Variants in DCN observed in about 807,000 individuals in gnomAD.
DCN encodes decorin, also known as bone proteoglycan II.
A neutral mutation model predicts 36.5 loss-of-function variants in DCN; 17 were observed. The observed-to-expected ratio is 0.47, with a 90% CI of 0.32 to 0.70. DCN has a LOEUF of 0.70. Ranked by LOEUF, DCN falls within the 30% of genes least tolerant of loss-of-function variation. The pLI, the probability that DCN is intolerant of heterozygous loss-of-function variation, is 0.04. For missense variants in DCN, 389 were observed against 430.1 expected, an observed-to-expected ratio of 0.90 and a Z score of 0.84; for synonymous variants, 163 against 161.4, an observed-to-expected ratio of 1.01 and a Z score of -0.07.
At position 91,144,180 on chromosome 12, in the gene DCN, G is replaced by C. The variant is rs1014564994; in HGVS notation, c.*1878C>G. The C allele has an allele frequency of 6.6e-6, 1 of 152,092 alleles. No individual in the cohort carries two copies. The highest frequency in any genetic ancestry group is 1.5e-5 in the Non-Finnish European group (1 of 68,028). 9.4% of individuals were successfully genotyped at this position (152,092 alleles called of 1,614,324 possible). A position where few individuals can be genotyped will look rare whatever the true frequency, so the allele number is the denominator to read the frequency against. ...TAACATGGAGTGTGCATCATTGAAGGCTACAACATGAAGGGTGCGTCACTC... is the reference window on the plus strand; with the variant it reads ...TAACATGGAGTGTGCATCATTGAAGCCTACAACATGAAGGGTGCGTCACTC... On this transcript the variant is annotated 3_prime_UTR_variant, in exon 8 of 8. Coordinates refer to ENST00000052754, the MANE Select transcript of DCN (RefSeq NM_001920.5).
At chr12:91,151,843 T>C (rs1881451501) in intron 6 of DCN, 51 bp from the exon 7 acceptor site, 1 of 1,607,716 alleles carries the variant, frequency 6.2e-7, no homozygotes, top group Middle Eastern at 1.7e-4. Context: ...GATGCCTTTC[T>C]TACAAGCATT....
At chr12:91,151,371 A>G in intron 7 of DCN, 1 of 391,130 alleles carries the variant, frequency 2.6e-6, no homozygotes, top group Non-Finnish European at 4.8e-6. Context: ...CCTACTCACT[A>G]TGGCACCAAC....
intron 2 of DCN, among the ~76,000 whole-genome samples, chr12:91,168,492 T>A (rs1475067905): frequency 2.0e-5 from 3 of 152,224 alleles, no homozygotes; most frequent in African/African-American, 7.2e-5. Flanking sequence ...GAGGACTAAT[T>A]ACTGTTTCTC....
chr12:91,169,221 ACCC>A (rs757857204), intron 2 of DCN, among the ~76,000 whole-genome samples: 3 of 151,496 alleles, frequency 2.0e-5, no homozygotes, highest in Non-Finnish European at 2.9e-5. Context: ...ACATAGCAAG[ACCC>A]CATCTTTACA....
At position 91,141,385 on chromosome 12, in the gene DCN, C is replaced by T. The variant is rs1281765126; in HGVS notation, c.*4673G>A. ...TTGCTCCCTTCAGTTCTTCATCTCC[C>T]TGCTCAAATGTCACTCCTGATAAGT... On this transcript the variant is annotated 3_prime_UTR_variant, in exon 8 of 8. Transcript: ENST00000052754. 6.6e-6 allele frequency: 1 copy of T among 152,198 alleles called. No homozygotes were observed. Among genetic ancestry groups the T allele is most frequent in the East Asian group, 1.9e-4 (1 of 5,176 alleles). 9.4% of individuals were successfully genotyped at this position (152,198 alleles called of 1,614,324 possible). A position where few individuals can be genotyped will look rare whatever the true frequency, so the allele number is the denominator to read the frequency against.
At chr12:91,156,633 T>A (rs532564542) in intron 5 of DCN, among the ~76,000 whole-genome samples, 10 of 151,614 alleles carry the variant, frequency 6.6e-5, no homozygotes, top group African/African-American at 2.2e-4. Context: ...AAAAAAAAAT[T>A]CCCTAAGCTA....
chr12:91,145,719 C>A lies in DCN; in HGVS notation c.*339G>T. 4.9e-6 allele frequency: 2 copies of A among 407,288 alleles called. No individual in the cohort carries two copies. The highest frequency in any genetic ancestry group is 4.7e-6 in the Non-Finnish European group (1 of 213,118). 25.2% of individuals were successfully genotyped at this position (407,288 alleles called of 1,614,324 possible). A position where few individuals can be genotyped will look rare whatever the true frequency, so the allele number is the denominator to read the frequency against. On this transcript the variant is annotated 3_prime_UTR_variant, in exon 8 of 8. Coordinates refer to ENST00000052754, the MANE Select transcript of DCN (RefSeq NM_001920.5). The stretch of plus-strand genomic sequence containing the variant: ...CTCAATGAATTACAGAAGACTCATA[C>A]TCTTTTTATTTTTTCCTGGAAATTA...
intron 5 of DCN, among the ~76,000 whole-genome samples, chr12:91,154,301 C>T (rs899676094): frequency 1.3e-5 from 2 of 152,130 alleles, no homozygotes; most frequent in African/African-American, 4.8e-5. Context: ...GTCTGTTACG[C>T]ACCGAACATT....
At chr12:91,171,840 A>T (rs1882979592) in intron 2 of DCN, among the ~76,000 whole-genome samples, 1 of 152,206 alleles carries the variant, frequency 6.6e-6, no homozygotes, top group African/African-American at 2.4e-5. Flanking sequence ...CCATACCTCA[A>T]GTTGTGAGCA....
intron 5 of DCN, 106 bp from the exon 6 acceptor site, chr12:91,153,295 C>G: frequency 1.3e-6 from 1 of 748,322 alleles, no homozygotes; most frequent in South Asian, 1.4e-5. Flanking sequence ...AAAAGACACA[C>G]AGTTTCAAAG....
chr12:91,153,274 A>T (rs1382386951), intron 5 of DCN, 85 bp from the exon 6 acceptor site: 3 of 805,716 alleles, frequency 3.7e-6, no homozygotes, highest in East Asian at 4.9e-5. Flanking sequence ...GACATATGCC[A>T]TCAATTTTCT....
intron 3 of DCN, 143 bp downstream of exon 3, chr12:91,164,462 T>TAAA (rs36087078): frequency 5.2e-4 from 166 of 317,476 alleles, no homozygotes; most frequent in East Asian, 2.1e-3. Context: ...AAAAAAAAAG[T>TAAA]AAAAAAAAAA....
At chr12:91,156,692 T>C (rs1881797609) in intron 5 of DCN, among the ~76,000 whole-genome samples, 1 of 141,068 alleles carries the variant, frequency 7.1e-6, no homozygotes, top group African/African-American at 2.7e-5. Flanking sequence ...TACTCCCATA[T>C]ATCTTTTTTT....
chr12:91,172,344 T>A (rs1883019717), intron 2 of DCN: 1 of 153,986 alleles, frequency 6.5e-6, no homozygotes, highest in Non-Finnish European at 1.4e-5. Flanking sequence ...AATTTTTTTT[T>A]ATAATTCTGT....
intron 7 of DCN, 53 bp from the exon 8 acceptor site, chr12:91,146,305 C>T: frequency 1.0e-6 from 1 of 1,004,770 alleles, no homozygotes; most frequent in Non-Finnish European, 1.5e-6. Flanking sequence ...ATGTTGAGGC[C>T]CTTCAGGTAA....
chr12:91,144,464 A>G lies in DCN; in HGVS notation c.*1594T>C, dbSNP rs1880898452. On this transcript the variant is annotated 3_prime_UTR_variant, in exon 8 of 8. Transcript: ENST00000052754. Reference sequence around the variant, plus strand: ...TCTTGGGAGATGAAAAAGAGAAGAAAAAGAGAGGTTTCTTCCCTCTTATTA... The same window carrying G: ...TCTTGGGAGATGAAAAAGAGAAGAAGAAGAGAGGTTTCTTCCCTCTTATTA... 1.3e-5 allele frequency: 2 copies of G among 152,194 alleles called. No individual in the cohort carries two copies. The highest frequency in any genetic ancestry group is 2.4e-5 in the African/African-American group (1 of 41,440). 9.4% of individuals were successfully genotyped at this position (152,194 alleles called of 1,614,324 possible).
At chr12:91,154,023 G>C (rs962747158) in intron 5 of DCN, among the ~76,000 whole-genome samples, 1 of 151,960 alleles carries the variant, frequency 6.6e-6, no homozygotes, top group Non-Finnish European at 1.5e-5. Context: ...AATAGCAATA[G>C]ATACAGAGAA....
chr12:91,172,478 T>C (rs1463303887), intron 2 of DCN: 1 of 216,024 alleles, frequency 4.6e-6, no homozygotes, highest in Non-Finnish European at 9.3e-6. Context: ...GTTCCCCTTT[T>C]TCCATCTTAA....
Position 91,145,977 on chromosome 12 carries a change from A to C in DCN, c.*81T>G. ...ACATCCACATTGCAGTTAGGTTTCC[A>C]GTATCTAGCTTTTATTTATTTTTTA... On this transcript the variant is annotated 3_prime_UTR_variant, in exon 8 of 8. Coordinates refer to ENST00000052754, the MANE Select transcript of DCN (RefSeq NM_001920.5). 8.3e-7 allele frequency: 1 copy of C among 1,212,060 alleles called. No individual in the cohort carries two copies. Among genetic ancestry groups the C allele is most frequent in the Non-Finnish European group, 1.2e-6 (1 of 816,658 alleles). 75.1% of individuals were successfully genotyped at this position (1,212,060 alleles called of 1,614,324 possible).
Sources: gnomAD v4.1 joint callset for allele counts (sites outside exome capture counted in the v4.1 genomes callset) on GRCh38, gnomAD v4.1.1 for gene constraint, MANE v1.5 for transcripts, NCBI Gene and HGNC (gene_info 2026-07-23, HGNC 2026-07-21) for gene names.